Variants in SLAMF7 observed in about 807,000 individuals in gnomAD.
The protein encoded by SLAMF7 is 19A24 protein.
A neutral mutation model predicts 34.1 loss-of-function variants in SLAMF7; 26 were observed. The ratio of observed to expected loss-of-function variants is 0.76; its 90% CI spans 0.56 to 1.06. The LOEUF (loss-of-function observed/expected upper bound fraction) is 1.06. Ranked by LOEUF, SLAMF7 falls within the 50% of genes least tolerant of loss-of-function variation. The pLI, the probability that SLAMF7 is intolerant of heterozygous loss-of-function variation, is 0.00. For synonymous variants in SLAMF7, 171 were observed against 156.4 expected (o/e 1.09, Z -0.70); for missense variants, 399 against 402.5 (o/e 0.99, Z 0.07).
intron 1 of SLAMF7, among the ~76,000 whole-genome samples, chr1:160,745,918 T>C (rs969602138): frequency 6.6e-6 from 1 of 152,242 alleles, no homozygotes; most frequent in African/African-American, 2.4e-5. Context: ...TGCCAAGATA[T>C]TTGATTTTAA....
rs1178835485 is a variant in SLAMF7 at position 160,743,865 on chromosome 1, T to G, written c.56-4329T>G. ...CACCACGCCCAACTAATTTTTTCAT[T>G]TTTTGTAAAGACAAGGTCTGGCTAT... On this transcript the variant is annotated intron_variant, in intron 1 of 6. Coordinates refer to ENST00000368043, the MANE Select transcript of SLAMF7 (RefSeq NM_021181.5). Among the ~76,000 whole-genome samples, 3 of 152,196 alleles carry G rather than the reference T, an allele frequency of 2.0e-5. No individual in the cohort carries two copies. The East Asian group carries it at 5.8e-4, about 29-fold the overall frequency.
intron 5 of SLAMF7, chr1:160,751,743 C>T: frequency 3.5e-6 from 1 of 281,716 alleles, no homozygotes; most frequent in Non-Finnish European, 6.7e-6. Context: ...ATTCCTTTTG[C>T]ATAAGGCAGT....
intron 1 of SLAMF7, 31 bp downstream of exon 1, chr1:160,739,387 C>T: frequency 1.9e-6 from 3 of 1,594,100 alleles, no homozygotes; most frequent in Non-Finnish European, 2.6e-6. Flanking sequence ...TTCCACTCTC[C>T]TGTCTACCCC....
Position 160,753,241 on chromosome 1 carries a change from A to G in SLAMF7, c.*64A>G, listed in dbSNP as rs1664783810. ...AACAATTCTCGGCCCAAAGAAAACA[A>G]TCAGAAGAATTCACTGATTTGACTA... On this transcript the variant is annotated 3_prime_UTR_variant, in exon 7 of 7. Coordinates refer to ENST00000368043, the MANE Select transcript of SLAMF7 (RefSeq NM_021181.5). 12 of 1,375,604 alleles carry G rather than the reference A, an allele frequency of 8.7e-6. No homozygotes were observed. In the East Asian group the frequency reaches 1.1e-4, roughly 13 times the overall value. 85.2% of individuals were successfully genotyped at this position (1,375,604 alleles called of 1,614,324 possible).
At chr1:160,744,113 T>C (rs967673086) in intron 1 of SLAMF7, among the ~76,000 whole-genome samples, 3 of 152,178 alleles carry the variant, frequency 2.0e-5, no homozygotes, top group African/African-American at 7.2e-5. Context: ...GAGAACTAAA[T>C]AAATTCTTGT....
At chr1:160,751,614 C>T in intron 5 of SLAMF7, 166 bp downstream of exon 5, 1 of 589,278 alleles carries the variant, frequency 1.7e-6, no homozygotes, top group Non-Finnish European at 3.0e-6. Context: ...GGATTCTCTT[C>T]TGTGCAGAAG....
chr1:160,749,432 G>A (rs530304397), intron 2 of SLAMF7, among the ~76,000 whole-genome samples: 4 of 145,638 alleles, frequency 2.7e-5, no homozygotes, highest in East Asian at 2.0e-4. Context: ...TTCTCCTAGA[G>A]AGTAAAGTGA....
chr1:160,751,949 A>G (rs1664668336), intron 5 of SLAMF7: 1 of 302,030 alleles, frequency 3.3e-6, no homozygotes, highest in Non-Finnish European at 6.2e-6. Flanking sequence ...TTAACACAGT[A>G]CAGTTTAAAA....
intron 1 of SLAMF7, among the ~76,000 whole-genome samples, chr1:160,746,511 C>T (rs1179952086): frequency 6.6e-6 from 1 of 152,162 alleles, no homozygotes; most frequent in African/African-American, 2.4e-5. Context: ...GGGGAAATAA[C>T]TTTGGGTTTT....
intron 1 of SLAMF7, among the ~76,000 whole-genome samples, chr1:160,743,884 T>G (rs1324495320): frequency 6.6e-6 from 1 of 152,240 alleles, no homozygotes; most frequent in African/African-American, 2.4e-5. Flanking sequence ...AGACAAGGTC[T>G]GGCTATGTTG....
In SLAMF7 at chr1:160,749,897, C is replaced by A. The variant is rs761242872; in HGVS notation, c.453C>A (p.Cys151Ter). Reference sequence around the variant, plus strand: ...GCACCTGTGTGACCAATCTGACATGCTGCATGGAACATGGGGAAGAGGATG... The same window carrying A: ...GCACCTGTGTGACCAATCTGACATGATGCATGGAACATGGGGAAGAGGATG... The part of the protein sequence containing the change: ...KNGTCVTNLT[C>*]CMEHGEEDVI... The change falls in exon 3 of 7, where the codon TGC (cysteine) becomes TGA (stop). Residue 151 changes from cysteine (C) to a stop codon, truncating the protein, a stop_gained. Transcript: ENST00000368043. LOFTEE classifies it high-confidence loss of function. 1 of 1,614,068 alleles carries A rather than the reference C, an allele frequency of 6.2e-7. No homozygotes were observed. Among genetic ancestry groups the A allele is most frequent in the Non-Finnish European group, 8.5e-7 (1 of 1,179,932 alleles).
chr1:160,740,007 A>G (rs191655258), intron 1 of SLAMF7, among the ~76,000 whole-genome samples: 13 of 152,264 alleles, frequency 8.5e-5, no homozygotes, highest in Admixed American at 3.9e-4. Flanking sequence ...CAGGAGCCCT[A>G]TAAGTGAGAA....
chr1:160,744,893 A>G lies in SLAMF7; in HGVS notation c.56-3301A>G, dbSNP rs532443946. ...GATTTTGTCTGTAACATTTCCTGGCACTATTTGGACTTGACACTCCTAAAG... is the reference window on the plus strand; with the variant it reads ...GATTTTGTCTGTAACATTTCCTGGCGCTATTTGGACTTGACACTCCTAAAG... On this transcript the variant is annotated intron_variant, in intron 1 of 6. Coordinates refer to ENST00000368043, the MANE Select transcript of SLAMF7 (RefSeq NM_021181.5). 5.9e-5 allele frequency among the ~76,000 whole-genome samples: 9 copies of G among 152,316 alleles called. No individual in the cohort carries two copies. The South Asian group carries it at 1.9e-3, about 32-fold the overall frequency.
chr1:160,750,630 C>G, intron 4 of SLAMF7: 1 of 507,968 alleles, frequency 2.0e-6, no homozygotes, highest in Non-Finnish European at 3.4e-6. Flanking sequence ...AGGTCTTTCC[C>G]AAGGACACGG....
intron 4 of SLAMF7, 195 bp downstream of exon 4, chr1:160,750,618 G>A: frequency 1.8e-6 from 1 of 570,762 alleles, no homozygotes; most frequent in Non-Finnish European, 3.0e-6. Flanking sequence ...AGAAAGTGCT[G>A]GAGGTCTTTC....
intron 4 of SLAMF7, chr1:160,750,772 C>T (rs1170285492): frequency 1.3e-5 from 3 of 239,960 alleles, no homozygotes; most frequent in Admixed American, 5.1e-5. Context: ...TGGCCTCCAA[C>T]TCTGAGGTCC....
At chr1:160,753,040 G>C in intron 6 of SLAMF7, 66 bp from the exon 7 acceptor site, 1 of 1,448,040 alleles carries the variant, frequency 6.9e-7, no homozygotes, top group Non-Finnish European at 9.7e-7. Context: ...GGATGTCAGG[G>C]TCTCCATGGA....
intron 6 of SLAMF7, among the ~76,000 whole-genome samples, chr1:160,752,751 G>A (rs1020895295): frequency 3.3e-5 from 5 of 152,130 alleles, no homozygotes; most frequent in African/African-American, 1.2e-4. Flanking sequence ...AGTACGGTTG[G>A]CAGCAGTAAT....
chr1:160,751,862 C>CTATATATATATA (rs60757043), intron 5 of SLAMF7: 3 of 41,914 alleles, frequency 7.2e-5, no homozygotes, highest in African/African-American at 1.8e-4. Context: ...CTCTCTCTCT[C>CTATATATATATA]TATATATATA....
Sources: gnomAD v4.1 joint callset for allele counts (sites outside exome capture counted in the v4.1 genomes callset) on GRCh38, gnomAD v4.1.1 for gene constraint, MANE v1.5 for transcripts, NCBI Gene and HGNC (gene_info 2026-07-23, HGNC 2026-07-21) for gene names.